HSPA14: variants seen among roughly 807,000 people sequenced by gnomAD.
HSPA14 encodes the protein heat shock protein family A (Hsp70) member 14, also known as heat shock 70 kDa protein 14.
Under a neutral mutation model 65.5 loss-of-function variants are expected in HSPA14, and 37 were observed. The ratio of observed to expected loss-of-function variants is 0.56; its 90% CI spans 0.43 to 0.74. The LOEUF is 0.74. Ranked by LOEUF, HSPA14 falls within the 30% of genes least tolerant of loss-of-function variation. The probability of loss-of-function intolerance (pLI) is 0.00; values close to 1 mark genes in which losing one functional copy is unlikely to be tolerated. For synonymous variants in HSPA14, 203 were observed against 214.2 expected, an observed-to-expected ratio of 0.95 and a Z score of 0.46; for missense variants, 564 against 607.6, an observed-to-expected ratio of 0.93 and a Z score of 0.75.
chr10:14,862,737 T>C (rs1832766876), intron 10 of HSPA14, among the ~76,000 whole-genome samples: 1 of 151,914 alleles, frequency 6.6e-6, no homozygotes, highest in Admixed American at 6.6e-5. Context: ...TGGAGTGTAG[T>C]GGCACAATCA....
chr10:14,850,228 C>T (rs1423143404), intron 6 of HSPA14, among the ~76,000 whole-genome samples: 2 of 150,826 alleles, frequency 1.3e-5, no homozygotes, highest in Non-Finnish European at 2.9e-5. Flanking sequence ...GCCAAAGTCG[C>T]GCCACTCCAC....
intron 9 of HSPA14, 149 bp downstream of exon 9, chr10:14,854,429 C>T: frequency 1.6e-6 from 1 of 630,978 alleles, no homozygotes. Context: ...CAGTTTTTGT[C>T]AGACTAAATA....
chr10:14,862,476 G>A (rs1178752816), intron 10 of HSPA14, among the ~76,000 whole-genome samples: 7 of 148,518 alleles, frequency 4.7e-5, no homozygotes, highest in Non-Finnish European at 1.0e-4. Context: ...CCAGGTTCAC[G>A]CTATTCTCCT....
intron 3 of HSPA14, chr10:14,843,554 G>C: frequency 6.4e-7 from 1 of 1,550,674 alleles, no homozygotes; most frequent in Non-Finnish European, 8.7e-7. Flanking sequence ...TCCTCTTCGA[G>C]AGCTGGTTTT....
chr10:14,853,759 G>C (rs962696220), intron 8 of HSPA14, among the ~76,000 whole-genome samples: 3 of 151,774 alleles, frequency 2.0e-5, no homozygotes, highest in African/African-American at 7.3e-5. Context: ...TGCTCTTGTC[G>C]CCCAGGTTGG....
At chr10:14,844,540 G>C (rs1048703700) in intron 3 of HSPA14, 1 of 986,920 alleles carries the variant, frequency 1.0e-6, no homozygotes, top group Non-Finnish European at 1.2e-6. Context: ...TTCCACTGCT[G>C]TGTATCTGAC....
intron 1 of HSPA14, among the ~76,000 whole-genome samples, chr10:14,839,106 C>T (rs548240761): frequency 1.3e-5 from 2 of 152,302 alleles, no homozygotes; most frequent in East Asian, 3.9e-4. Flanking sequence ...GCGTGGTCTA[C>T]AGAGGTGGCC....
intron 1 of HSPA14, among the ~76,000 whole-genome samples, chr10:14,839,071 C>T (rs528275134): frequency 2.0e-4 from 31 of 152,304 alleles, no homozygotes; most frequent in African/African-American, 7.2e-4. Context: ...CGCAAAGCTG[C>T]CTGGCTGTGA....
At chr10:14,838,510 C>G in intron 1 of HSPA14, 51 bp downstream of exon 1, 1 of 1,525,032 alleles carries the variant, frequency 6.6e-7, no homozygotes, top group Non-Finnish European at 8.9e-7. Context: ...ACCCGGTTTT[C>G]TGGCGCTGGG....
chr10:14,849,128 C>A (rs1834088290), intron 5 of HSPA14, among the ~76,000 whole-genome samples: 1 of 152,100 alleles, frequency 6.6e-6, no homozygotes, highest in African/African-American at 2.4e-5. Context: ...TGAATTAGGC[C>A]AAATAAGAGT....
chr10:14,869,205 T>A (rs1011163354), intron 12 of HSPA14, among the ~76,000 whole-genome samples: 2 of 151,416 alleles, frequency 1.3e-5, no homozygotes, highest in African/African-American at 4.9e-5. Flanking sequence ...TGTTTATTAG[T>A]GATGAGATAT....
At chr10:14,844,320 T>C in intron 3 of HSPA14, 3 of 1,036,146 alleles carry the variant, frequency 2.9e-6, no homozygotes, top group Non-Finnish European at 3.5e-6. Flanking sequence ...ATTTAAGTTA[T>C]TAATTCATAT....
intron 8 of HSPA14, among the ~76,000 whole-genome samples, 200 bp downstream of exon 8, chr10:14,852,731 G>A (rs1022828654): frequency 3.3e-5 from 5 of 152,162 alleles, no homozygotes; most frequent in African/African-American, 9.7e-5. Flanking sequence ...GCTGCCTAGT[G>A]CAGTGTGCTT....
chr10:14,839,378 A>T (rs886130360), intron 1 of HSPA14, among the ~76,000 whole-genome samples: 1 of 152,150 alleles, frequency 6.6e-6, no homozygotes, highest in African/African-American at 2.4e-5. Flanking sequence ...GTTCTAGACC[A>T]GCCTGGCTAA....
chr10:14,867,684 C>A, intron 11 of HSPA14, 52 bp from the exon 12 acceptor site: 1 of 1,513,868 alleles, frequency 6.6e-7, no homozygotes, highest in South Asian at 1.3e-5. Context: ...AAGTTTTTTT[C>A]AATTGTAAAG....
In HSPA14 at chr10:14,842,876, T is replaced by G. The variant is rs1281691569; in HGVS notation, c.221+2719T>G. The G allele has an allele frequency of 7.0e-7, 1 of 1,429,634 alleles. No individual in the cohort carries two copies. Among genetic ancestry groups the G allele is most frequent in the African/African-American group, 1.4e-5 (1 of 70,158 alleles). The allele number at this position is 1,429,634 out of a possible 1,614,324, so 88.6% of individuals were successfully genotyped here. On this transcript the variant is annotated intron_variant, in intron 3 of 13. Transcript: ENST00000378372. The surrounding 1 kb of genome is among the most constrained non-coding windows in gnomAD (Gnocchi z 5.2). ...CTCCCAAGCATGTGAAGGAGTTGGG[T>G]CCCAGAGTCTTGTGGCTCTAAACAT...
At chr10:14,861,850 A>G (rs1049780193) in intron 10 of HSPA14, among the ~76,000 whole-genome samples, 35 of 151,722 alleles carry the variant, frequency 2.3e-4, no homozygotes, top group African/African-American at 8.0e-4. Context: ...CGTCTCTACT[A>G]AAACTACACA....
chr10:14,860,967 G>A (rs1291784056), intron 10 of HSPA14, among the ~76,000 whole-genome samples: 2 of 152,134 alleles, frequency 1.3e-5, no homozygotes, highest in African/African-American at 4.8e-5. Flanking sequence ...AAGAGAACCA[G>A]GAAGGCAGGC....
At position 14,849,760 on chromosome 10, in the gene HSPA14, T is replaced by C. The variant is rs1187003336; in HGVS notation, c.416T>C (p.Val139Ala). The C allele has an allele frequency of 1.9e-6, 3 of 1,613,576 alleles. No individual in the cohort carries two copies. Among genetic ancestry groups the C allele is most frequent in the Non-Finnish European group, 1.7e-6 (2 of 1,179,780 alleles). Residue 139 changes from valine to alanine, a missense_variant, in exon 6 of 14, where the codon GTA becomes GCA. Physicochemically the swap from Val to Ala is moderately conservative, Grantham distance 64 (BLOSUM62 0). Transcript: ENST00000378372. ...HSVLGSDANDVVITVPFDFGE... is the reference protein window; with the variant it reads ...HSVLGSDANDAVITVPFDFGE... The stretch of plus-strand genomic sequence containing the variant: ...GTATTGGGCTCAGATGCAAATGATG[T>C]AGTTATTACTGTCCCGTTTGATTTT...
Sources: allele counts gnomAD v4.1 joint callset (sites outside exome capture counted in the v4.1 genomes callset), GRCh38; gene constraint gnomAD v4.1.1; non-coding constraint Gnocchi (gnomAD v3.1); transcripts MANE v1.5; gene names NCBI Gene and HGNC (gene_info 2026-07-23, HGNC 2026-07-21).